Variants in TFAP2D observed in about 807,000 individuals in gnomAD.
TFAP2D encodes the protein transcription factor AP-2 delta.
A neutral mutation model predicts 43.6 loss-of-function variants in TFAP2D; 9 were observed. That is an observed-to-expected ratio of 0.21 (90% CI 0.12 to 0.36). The LOEUF (loss-of-function observed/expected upper bound fraction) is 0.36. Ranked by LOEUF, TFAP2D falls within the 10% of genes least tolerant of loss-of-function variation. The pLI is 1.00. For missense variants in TFAP2D, 513 were observed against 561.4 expected, an observed-to-expected ratio of 0.91 and a Z score of 0.87; for synonymous variants, 256 against 224.9, an observed-to-expected ratio of 1.14 and a Z score of -1.24.
rs141644216 is a variant in TFAP2D, at chr6:50,750,439, G to T, written c.1026-772G>T. Among the ~76,000 whole-genome samples, 943 of 151,968 alleles carry T rather than the reference G, an allele frequency of 6.2e-3. 13 individuals are homozygous for T. The highest frequency in any genetic ancestry group is 0.021 in the African/African-American group (888 of 41,502). On this transcript the variant is annotated intron_variant, in intron 6 of 7. Transcript: ENST00000008391. ...GACTGGACTAATTTAGTGTTTTGTT[G>T]TTAAAATACAAAAACAAAAACAATA...
At chr6:50,763,070 C>G (rs923292023) in intron 7 of TFAP2D, among the ~76,000 whole-genome samples, 36 of 152,086 alleles carry the variant, frequency 2.4e-4, no homozygotes, top group African/African-American at 7.5e-4. Context: ...TGCTTTTTAC[C>G]CAAGTGGACA....
chr6:50,764,292 G>A (rs1450982642), intron 7 of TFAP2D, among the ~76,000 whole-genome samples: 1 of 152,120 alleles, frequency 6.6e-6, no homozygotes, highest in Admixed American at 6.5e-5. Flanking sequence ...CAGCTTTAAA[G>A]ATTGAGCTCT....
intron 7 of TFAP2D, among the ~76,000 whole-genome samples, chr6:50,753,595 C>T (rs186434574): frequency 1.6e-3 from 225 of 144,430 alleles, no homozygotes; most frequent in Middle Eastern, 7.1e-3. Context: ...TGGCCACCCT[C>T]ACCCCTAGTG....
chr6:50,752,678 T>C (rs1769215275), intron 7 of TFAP2D, among the ~76,000 whole-genome samples: 1 of 151,896 alleles, frequency 6.6e-6, no homozygotes, highest in African/African-American at 2.4e-5. Flanking sequence ...AACTTAGGAT[T>C]TATCTTCCAA....
intron 7 of TFAP2D, among the ~76,000 whole-genome samples, chr6:50,760,681 A>G (rs551023256): frequency 1.3e-5 from 2 of 152,154 alleles, no homozygotes; most frequent in African/African-American, 2.4e-5. Flanking sequence ...TTCACCTTTC[A>G]TCTGCTTTCT....
intron 7 of TFAP2D, among the ~76,000 whole-genome samples, chr6:50,766,693 G>A (rs1320100331): frequency 1.4e-5 from 1 of 71,174 alleles, no homozygotes; most frequent in Non-Finnish European, 3.0e-5. Context: ...ACGGAGTCTC[G>A]CTCTGTCGCC....
intron 7 of TFAP2D, among the ~76,000 whole-genome samples, chr6:50,771,452 G>C (rs1769527188): frequency 6.6e-6 from 1 of 152,188 alleles, no homozygotes; most frequent in African/African-American, 2.4e-5. Flanking sequence ...AGATTAAAGT[G>C]CATTACTATG....
intron 3 of TFAP2D, among the ~76,000 whole-genome samples, chr6:50,720,502 CA>C (rs2114030570): frequency 1.1e-5 from 1 of 87,784 alleles, no homozygotes; most frequent in South Asian, 3.6e-4. Context: ...CACACACACA[CA>C]CACACACACA....
Position 50,749,650 on chromosome 6 carries a change from G to A in TFAP2D, c.1026-1561G>A, listed in dbSNP as rs544003039. 5.9e-5 allele frequency among the ~76,000 whole-genome samples: 9 copies of A among 151,756 alleles called. No individual in the cohort carries two copies. In the South Asian group the frequency reaches 8.3e-4, roughly 14 times the overall value. ...AGATTATGATATACTCCTCAAAATG[G>A]CACCAAACACTTAGATTAAGTTGCA... On this transcript the variant is annotated intron_variant, in intron 6 of 7. Transcript: ENST00000008391.
chr6:50,745,740 T>C (rs1769116910), intron 6 of TFAP2D, among the ~76,000 whole-genome samples: 1 of 152,096 alleles, frequency 6.6e-6, no homozygotes, highest in African/African-American at 2.4e-5. Flanking sequence ...CTCTCTTGTG[T>C]ATGAGTAAGT....
intron 5 of TFAP2D, among the ~76,000 whole-genome samples, chr6:50,734,112 T>C (rs548536984): frequency 3.9e-5 from 6 of 151,968 alleles, no homozygotes; most frequent in African/African-American, 1.4e-4. Context: ...CATCAATCTT[T>C]CTCAGTTTAA....
chr6:50,725,303 G>A (rs1374682977), intron 3 of TFAP2D, among the ~76,000 whole-genome samples: 2 of 152,184 alleles, frequency 1.3e-5, no homozygotes, highest in African/African-American at 2.4e-5. Flanking sequence ...CCTAGGCAAA[G>A]GACCTTGAGC....
intron 5 of TFAP2D, among the ~76,000 whole-genome samples, chr6:50,731,578 C>T (rs1192045148): frequency 6.6e-6 from 1 of 152,046 alleles, no homozygotes; most frequent in Non-Finnish European, 1.5e-5. Flanking sequence ...TATTTCACAA[C>T]TCACTGTCGA....
chr6:50,718,470 T>C (rs1768662400), intron 2 of TFAP2D, among the ~76,000 whole-genome samples: 2 of 152,184 alleles, frequency 1.3e-5, no homozygotes, highest in African/African-American at 4.8e-5. Context: ...ATTTTTATTT[T>C]TCCTAATCAA....
chr6:50,770,079 G>T (rs934807479), intron 7 of TFAP2D, among the ~76,000 whole-genome samples: 14 of 152,188 alleles, frequency 9.2e-5, no homozygotes, highest in African/African-American at 3.1e-4. Flanking sequence ...TGAGAAAAGA[G>T]ACAGTTTGTG....
intron 3 of TFAP2D, among the ~76,000 whole-genome samples, chr6:50,728,352 GT>G (rs1768837518): frequency 6.6e-6 from 1 of 152,142 alleles, no homozygotes; most frequent in African/African-American, 2.4e-5. Context: ...TTGAGTGACT[GT>G]TTTGCCTTTA....
At chr6:50,763,967 T>C (rs1769405031) in intron 7 of TFAP2D, among the ~76,000 whole-genome samples, 1 of 152,130 alleles carries the variant, frequency 6.6e-6, no homozygotes, top group Non-Finnish European at 1.5e-5. Context: ...AAAGAGTAAA[T>C]ATTACTATAT....
Position 50,743,837 on chromosome 6 carries a change from G to A in TFAP2D, c.884-1270G>A, listed in dbSNP as rs114524492. 6.2e-3 allele frequency among the ~76,000 whole-genome samples: 947 copies of A among 151,968 alleles called. 7 individuals carry two copies. The highest frequency in any genetic ancestry group is 0.021 in the African/African-American group (890 of 41,416). Reference sequence around the variant, plus strand: ...TAACAACAAACATGAAAAGATTATAGGTAATATTCATATAGGTGCAATAAA... The same window carrying A: ...TAACAACAAACATGAAAAGATTATAAGTAATATTCATATAGGTGCAATAAA... On this transcript the variant is annotated intron_variant, in intron 5 of 7. Coordinates refer to ENST00000008391, the MANE Select transcript of TFAP2D (RefSeq NM_172238.4).
chr6:50,744,645 A>T (rs1264326046), intron 5 of TFAP2D, among the ~76,000 whole-genome samples: 1 of 152,154 alleles, frequency 6.6e-6, no homozygotes, highest in Admixed American at 6.6e-5. Flanking sequence ...TTCCTCGAAA[A>T]GTTATATGGA....
Sources: gnomAD v4.1 joint callset for allele counts (sites outside exome capture counted in the v4.1 genomes callset) on GRCh38, gnomAD v4.1.1 for gene constraint, MANE v1.5 for transcripts, NCBI Gene and HGNC (gene_info 2026-07-23, HGNC 2026-07-21) for gene names.